Variants in PAAF1 observed in about 807,000 individuals in gnomAD.
The protein encoded by PAAF1 is proteasomal ATPase associated factor 1.
In PAAF1, 46 loss-of-function variants were observed where a neutral mutation model predicts 52.8. The observed-to-expected ratio is 0.87, with a 90% CI of 0.69 to 1.11. The LOEUF (loss-of-function observed/expected upper bound fraction) is 1.11. Ranked by LOEUF, PAAF1 falls within the 50% of genes most tolerant of loss-of-function variation. The pLI, the probability that PAAF1 is intolerant of heterozygous loss-of-function variation, is 0.00. For synonymous variants in PAAF1, 178 were observed against 172.8 expected, an observed-to-expected ratio of 1.03 and a Z score of -0.24; for missense variants, 424 against 477.4, an observed-to-expected ratio of 0.89 and a Z score of 1.04.
In PAAF1 at chr11:73,880,511, G is replaced by A. The variant is rs2135120994; in HGVS notation, c.88+1692G>A. On this transcript the variant is annotated intron_variant, in intron 2 of 11. Transcript: ENST00000310571. ...AAAAAAAAAAAAAGCCAGGTGCGGTGGCTCTACTAAAAAAAAATACAAAAA... is the reference window on the plus strand; with the variant it reads ...AAAAAAAAAAAAAGCCAGGTGCGGTAGCTCTACTAAAAAAAAATACAAAAA... 2.0e-5 allele frequency: 3 copies of A among 148,916 alleles called. No homozygotes were observed. The East Asian group carries it at 5.9e-4, about 29-fold the overall frequency. 9.2% of individuals were successfully genotyped at this position (148,916 alleles called of 1,614,324 possible).
chr11:73,931,111 A>G lies in PAAF1; in HGVS notation c.*3749A>G, dbSNP rs959323386. On this transcript the variant is annotated 3_prime_UTR_variant, in exon 12 of 12. Transcript: ENST00000310571. ...TTTACAATTAAAAATCAATTAAAAGAAAAGAGGATAAGGAGGGATATGGCT... is the reference window on the plus strand; with the variant it reads ...TTTACAATTAAAAATCAATTAAAAGGAAAGAGGATAAGGAGGGATATGGCT... 2.0e-5 allele frequency: 3 copies of G among 152,224 alleles called. No individual in the cohort carries two copies. Among genetic ancestry groups the G allele is most frequent in the African/African-American group, 7.2e-5 (3 of 41,452 alleles). 9.4% of individuals were successfully genotyped at this position (152,224 alleles called of 1,614,324 possible).
intron 3 of PAAF1, among the ~76,000 whole-genome samples, chr11:73,890,511 A>G (rs1173918461): frequency 6.6e-6 from 1 of 152,226 alleles, no homozygotes; most frequent in African/African-American, 2.4e-5. Context: ...TGTACAGTCA[A>G]TTTAAGTCTT....
intron 6 of PAAF1, among the ~76,000 whole-genome samples, chr11:73,905,940 G>A (rs545795421): frequency 6.6e-6 from 1 of 152,154 alleles, no homozygotes; most frequent in Non-Finnish European, 1.5e-5. Context: ...TGCTTAATAA[G>A]AGCTGAAAGA....
intron 2 of PAAF1, among the ~76,000 whole-genome samples, chr11:73,882,311 CTT>C (rs34242715): frequency 9.7e-4 from 116 of 119,520 alleles, no homozygotes; most frequent in African/African-American, 1.9e-3. Flanking sequence ...CGTGCCTGCA[CTT>C]TTTTTTTTTT....
chr11:73,893,484 C>T (rs919484581), intron 4 of PAAF1, among the ~76,000 whole-genome samples: 1 of 152,012 alleles, frequency 6.6e-6, no homozygotes, highest in Non-Finnish European at 1.5e-5. Context: ...TGCCTGTAAT[C>T]CCAGCACTTT....
At chr11:73,881,583 C>T (rs1332110916) in intron 2 of PAAF1, among the ~76,000 whole-genome samples, 3 of 152,046 alleles carry the variant, frequency 2.0e-5, no homozygotes, top group African/African-American at 4.8e-5. Context: ...CCACTGCCCC[C>T]GGCCTAAAAC....
Position 73,877,018 on chromosome 11 carries a change from C to T in PAAF1, c.-4C>T, listed in dbSNP as rs747497342. The T allele has an allele frequency of 1.3e-6, 2 of 1,531,762 alleles. No individual in the cohort carries two copies. The highest frequency in any genetic ancestry group is 1.8e-6 in the Non-Finnish European group (2 of 1,136,796). 94.9% of individuals were successfully genotyped at this position (1,531,762 alleles called of 1,614,324 possible). On this transcript the variant is annotated 5_prime_UTR_variant, in exon 1 of 12. Transcript: ENST00000310571. ...AGAGGTGGGCTGGTGGAGGCGGGGT[C>T]GAGATGGCGGCGCCTTTGAGGATTC...
Position 73,916,631 on chromosome 11 carries a change from C to T in PAAF1, c.906C>T (p.Asn302=), listed in dbSNP as rs756091196. 28 of 1,613,838 alleles carry T rather than the reference C, an allele frequency of 1.7e-5. No homozygotes were observed. The highest frequency in any genetic ancestry group is 2.2e-5 in the South Asian group (2 of 91,082). Residue 302 remains asparagine, a synonymous_variant, in exon 9 of 12, where the codon AAC becomes AAT. Transcript: ENST00000310571. ...FLLLAGTQDG[N]IYQLDVRSPR... is the part of the protein sequence containing the mutation. ...TATTGGCTGGGACTCAAGATGGAAACATTTATCAGCTGGATGTGAGGAGTC... is the reference window on the plus strand; with the variant it reads ...TATTGGCTGGGACTCAAGATGGAAATATTTATCAGCTGGATGTGAGGAGTC...
At chr11:73,888,158 T>C (rs922492491) in intron 3 of PAAF1, among the ~76,000 whole-genome samples, 8 of 152,372 alleles carry the variant, frequency 5.3e-5, no homozygotes, top group Admixed American at 2.0e-4. Context: ...CTTTTTCTTA[T>C]TAAGTCTTCA....
rs779901027 is a variant in PAAF1, at chr11:73,892,859, A to G, written c.282+1658A>G. ...GTATTTTTAGTAGAGACGGGGTTTCACTGTGTTAGCCAGGATGGTCTCAAT... is the reference window on the plus strand; with the variant it reads ...GTATTTTTAGTAGAGACGGGGTTTCGCTGTGTTAGCCAGGATGGTCTCAAT... On this transcript the variant is annotated intron_variant, in intron 4 of 11. Coordinates refer to ENST00000310571, the MANE Select transcript of PAAF1 (RefSeq NM_025155.3). Among the ~76,000 whole-genome samples the G allele has an allele frequency of 3.3e-5, 5 of 152,152 alleles. No individual in the cohort carries two copies. The East Asian group carries it at 7.7e-4, about 23-fold the overall frequency.
chr11:73,899,105 T>C (rs778791683), intron 4 of PAAF1, 41 bp from the exon 5 acceptor site: 1 of 1,472,590 alleles, frequency 6.8e-7, no homozygotes, highest in Non-Finnish European at 9.5e-7. Context: ...ATAAGAGTAT[T>C]TCATTATTTC....
chr11:73,876,989 C>A, upstream of PAAF1: 2 of 1,511,602 alleles, frequency 1.3e-6, no homozygotes, highest in South Asian at 1.3e-5. Context: ...CGGGAAGGGG[C>A]GGAAGAGGTG....
chr11:73,898,049 G>C (rs1206558789), intron 4 of PAAF1, among the ~76,000 whole-genome samples: 1 of 152,186 alleles, frequency 6.6e-6, no homozygotes, highest in African/African-American at 2.4e-5. Flanking sequence ...CAGGCGTGGC[G>C]GCGCGCGCCT....
intron 2 of PAAF1, chr11:73,887,072 C>A: frequency 2.2e-6 from 1 of 455,154 alleles, no homozygotes. Flanking sequence ...GATGCTGGTG[C>A]CATGCTTCTT....
intron 3 of PAAF1, among the ~76,000 whole-genome samples, chr11:73,890,699 G>T (rs1949173935): frequency 6.6e-6 from 1 of 152,146 alleles, no homozygotes; most frequent in African/African-American, 2.4e-5. Context: ...TAGGTTTGGG[G>T]GATGGTGTTG....
rs779934729 is a variant in PAAF1 at position 73,916,645 on chromosome 11, A to T, written c.920A>T (p.Asp307Val). ...GTQDGNIYQL[D>V]VRSPRAPVQV... ...CAAGATGGAAACATTTATCAGCTGG[A>T]TGTGAGGAGTCCAAGGTGAGTCACC... Residue 307 changes from aspartate (D) to valine (V), a missense_variant, in exon 9 of 12, where the codon GAT (aspartate) becomes GTT (valine). By Grantham distance (152) the Asp-to-Val change is radical. Coordinates refer to ENST00000310571, the MANE Select transcript of PAAF1 (RefSeq NM_025155.3). 6.2e-7 allele frequency: 1 copy of T among 1,613,592 alleles called. No homozygotes were observed. The highest frequency in any genetic ancestry group is 1.1e-5 in the South Asian group (1 of 91,058).
chr11:73,898,218 G>A (rs1464485795), intron 4 of PAAF1, among the ~76,000 whole-genome samples: 13 of 97,462 alleles, frequency 1.3e-4, no homozygotes, highest in African/African-American at 4.6e-4. Context: ...GGGGAAGGGG[G>A]AGGGAGAGGG....
chr11:73,925,799 T>C (rs1950338501), intron 11 of PAAF1, among the ~76,000 whole-genome samples: 1 of 152,196 alleles, frequency 6.6e-6, no homozygotes. Flanking sequence ...AAAAAAGTTG[T>C]ACAATTAATA....
At chr11:73,889,014 G>T (rs1022814372) in intron 3 of PAAF1, 1 of 519,150 alleles carries the variant, frequency 1.9e-6, no homozygotes, top group East Asian at 3.1e-5. Flanking sequence ...CCAACTCAGA[G>T]AGGTTAATTA....
Sources: allele counts gnomAD v4.1 joint callset (sites outside exome capture counted in the v4.1 genomes callset), GRCh38; gene constraint gnomAD v4.1.1; transcripts MANE v1.5; gene names NCBI Gene and HGNC (gene_info 2026-07-23, HGNC 2026-07-21).